Variants in TMEM192 observed in about 807,000 individuals in gnomAD.
TMEM192 encodes transmembrane protein 192.
In TMEM192, 20 loss-of-function variants were observed where a neutral mutation model predicts 26.7. The ratio of observed to expected loss-of-function variants is 0.75; its 90% confidence interval spans 0.53 to 1.09. The LOEUF is 1.09. TMEM192 is among the 50% of genes least tolerant of loss of function. The pLI, the probability that TMEM192 is intolerant of heterozygous loss-of-function variation, is 0.00. For synonymous variants in TMEM192, 124 were observed against 121.0 expected, an observed-to-expected ratio of 1.02 and a Z score of -0.16; for missense variants, 304 against 322.6, an observed-to-expected ratio of 0.94 and a Z score of 0.44.
chr4:165,102,822 G>A (rs1560934744), intron 2 of TMEM192, 128 bp downstream of exon 2: 1 of 641,616 alleles, frequency 1.6e-6, no homozygotes. Context: ...ACAGCACTCA[G>A]GATGTCCTAA....
In TMEM192 at chr4:165,075,430, A is replaced by AT. The variant is rs1734354151; in HGVS notation, c.*4227dup. 6.6e-6 allele frequency: 1 copy of AT among 151,142 alleles called. No individual in the cohort carries two copies. The highest frequency in any genetic ancestry group is 2.4e-5 in the African/African-American group (1 of 41,162). 9.4% of individuals were successfully genotyped at this position (151,142 alleles called of 1,614,324 possible). A position where few individuals can be genotyped will look rare whatever the true frequency, so the allele number is the denominator to read the frequency against. Reference sequence around the variant, plus strand: ...CAGCTAATGTTGCTAATATTTTTGTATTTTTTGTAGAGATAGGGTTTCACC... The same window carrying AT: ...CAGCTAATGTTGCTAATATTTTTGTATTTTTTTGTAGAGATAGGGTTTCACC... On this transcript the variant is annotated 3_prime_UTR_variant, in exon 6 of 6. Coordinates refer to ENST00000306480, the MANE Select transcript of TMEM192 (RefSeq NM_001100389.2).
At chr4:165,094,928 C>G (rs1173016160) in intron 3 of TMEM192, among the ~76,000 whole-genome samples, 1 of 151,460 alleles carries the variant, frequency 6.6e-6, no homozygotes, top group Non-Finnish European at 1.5e-5. Flanking sequence ...GAGCCAAGAT[C>G]GCACCACTGC....
At position 165,112,737 on chromosome 4, in the gene TMEM192, G is replaced by C; in HGVS notation, c.27+10C>G. The C allele has an allele frequency of 6.2e-7, 1 of 1,609,096 alleles. No homozygotes were observed. Among genetic ancestry groups the C allele is most frequent in the Non-Finnish European group, 8.5e-7 (1 of 1,179,228 alleles). ...CCGGGGCCAACCGCCCGCCGCCTCC[G>C]TGCACTCACGTCCTCCATCCTGCCC... On this transcript the variant is annotated intron_variant, in intron 1 of 5. Coordinates refer to ENST00000306480, the MANE Select transcript of TMEM192 (RefSeq NM_001100389.2).
At chr4:165,096,661 T>C (rs1039171178) in intron 3 of TMEM192, among the ~76,000 whole-genome samples, 17 of 151,956 alleles carry the variant, frequency 1.1e-4, no homozygotes, top group African/African-American at 3.4e-4. Flanking sequence ...GAAAAAATAT[T>C]TTAAAAAATA....
chr4:165,079,905 CT>C, intron 5 of TMEM192, 109 bp from the exon 6 acceptor site: 1 of 1,055,766 alleles, frequency 9.5e-7, no homozygotes, highest in South Asian at 2.5e-5. Context: ...TATTTGCCAC[CT>C]TTTCTTAGAT....
At chr4:165,085,023 C>T (rs143641392) in intron 5 of TMEM192, among the ~76,000 whole-genome samples, 6,369 of 151,980 alleles carry the variant, frequency 0.042, 157 homozygotes, top group Middle Eastern at 0.14. Context: ...GCCTGTGATC[C>T]CAGCACTTTG....
chr4:165,103,170 T>C, intron 1 of TMEM192, 74 bp from the exon 2 acceptor site: 1 of 1,377,824 alleles, frequency 7.3e-7, no homozygotes, highest in Non-Finnish European at 9.5e-7. Context: ...TCTACTAAAC[T>C]ACAGAGCTTT....
rs1253077587 is a variant in TMEM192, at chr4:165,073,623, T to C, written c.*6035A>G. ...AGTTGAGATAAGAGGAAGGCTTCTG[T>C]CTCCTGCTCGTCCCTGGGAATGGAA... On this transcript the variant is annotated 3_prime_UTR_variant, in exon 6 of 6. Transcript: ENST00000306480. The C allele has an allele frequency of 2.6e-5, 4 of 151,252 alleles. No individual in the cohort carries two copies. Among genetic ancestry groups the C allele is most frequent in the African/African-American group, 9.7e-5 (4 of 41,092 alleles). 9.4% of individuals were successfully genotyped at this position (151,252 alleles called of 1,614,324 possible).
rs1443037073 is a variant in TMEM192 at position 165,082,994 on chromosome 4, C to G, written c.677+2592G>C. 5.0e-5 allele frequency among the ~76,000 whole-genome samples: 2 copies of G among 39,646 alleles called. 1 individual carries two copies. The highest frequency in any genetic ancestry group is 9.1e-5 in the African/African-American group (2 of 22,068). 26.0% of individuals were successfully genotyped at this position (39,646 alleles called of 152,430 possible). On this transcript the variant is annotated intron_variant, in intron 5 of 5. Transcript: ENST00000306480. Reference sequence around the variant, plus strand: ...AGGTGATGCACCCGCCTCGGCCTCACAAAGTACTGGGATTACAGGCGTGAG... The same window carrying G: ...AGGTGATGCACCCGCCTCGGCCTCAGAAAGTACTGGGATTACAGGCGTGAG...
At chr4:165,098,953 C>T (rs566306660) in intron 3 of TMEM192, among the ~76,000 whole-genome samples, 91 of 151,832 alleles carry the variant, frequency 6.0e-4, no homozygotes, top group Non-Finnish European at 1.1e-3. Flanking sequence ...CCTTCCGCTT[C>T]GGCCTCCCAA....
Position 165,088,502 on chromosome 4 carries a change from G to A in TMEM192, c.540C>T (p.Leu180=). 11 of 1,613,752 alleles carry A rather than the reference G, an allele frequency of 6.8e-6. No homozygotes were observed. The highest frequency in any genetic ancestry group is 9.3e-6 in the Non-Finnish European group (11 of 1,179,832). ...DLILAILALE[L]ICSLICLLIY... ...TGAGGAGACATATCAGGGAACAGAT[G>A]AGTTCCAGTGCCAAGATGGCCAGAA... Residue 180 remains leucine (L), a synonymous_variant, in exon 4 of 6, where the codon CTC becomes CTT. Transcript: ENST00000306480.
rs1410489891 is a variant in TMEM192 at position 165,082,095 on chromosome 4, G to A, written c.678-2299C>T. On this transcript the variant is annotated intron_variant, in intron 5 of 5. Transcript: ENST00000306480. ...CGCGATTCTCCTGCCTCACCCTCCC[G>A]AGTAGCTGGGACTACAGGCGTGCAC... 5.7e-5 allele frequency among the ~76,000 whole-genome samples: 2 copies of A among 35,250 alleles called. 1 individual carries two copies. Among genetic ancestry groups the A allele is most frequent in the Non-Finnish European group, 2.1e-4 (2 of 9,752 alleles). The allele number at this position is 35,250 out of a possible 152,430, so 23.1% of individuals were successfully genotyped here. A position where few individuals can be genotyped will look rare whatever the true frequency, so the allele number is the denominator to read the frequency against.
intron 1 of TMEM192, among the ~76,000 whole-genome samples, chr4:165,111,972 T>C (rs1037935364): frequency 2.0e-5 from 3 of 152,218 alleles, no homozygotes; most frequent in African/African-American, 7.2e-5. Context: ...CATACATACA[T>C]GTTTCTCCTA....
intron 4 of TMEM192, among the ~76,000 whole-genome samples, chr4:165,086,036 C>T (rs1734607729): frequency 6.6e-6 from 1 of 152,162 alleles, no homozygotes; most frequent in African/African-American, 2.4e-5. Context: ...ATTCAGAAAT[C>T]ATGACTTCCT....
intron 3 of TMEM192, among the ~76,000 whole-genome samples, chr4:165,093,094 CTTCT>C (rs1177536681): frequency 1.3e-5 from 1 of 74,118 alleles, no homozygotes; most frequent in African/African-American, 3.9e-5. Flanking sequence ...GTTTTTTTTT[CTTCT>C]TTTTTTTTTT....
intron 3 of TMEM192, among the ~76,000 whole-genome samples, chr4:165,098,073 A>C (rs1012357445): frequency 6.6e-6 from 1 of 150,474 alleles, no homozygotes; most frequent in Admixed American, 6.6e-5. Context: ...CTCCCGCCTC[A>C]GCCTACCAAA....
chr4:165,105,898 T>A (rs191773293), intron 1 of TMEM192, among the ~76,000 whole-genome samples: 260 of 152,304 alleles, frequency 1.7e-3, no homozygotes, highest in Non-Finnish European at 3.0e-3. Context: ...GCCATGAGGG[T>A]TCCCCCCCTC....
chr4:165,085,530 G>A, intron 5 of TMEM192, 56 bp downstream of exon 5: 1 of 1,154,964 alleles, frequency 8.7e-7, no homozygotes, highest in Non-Finnish European at 1.3e-6. Flanking sequence ...CATCAGAATG[G>A]TTTCTAGCTT....
At chr4:165,084,785 C>A (rs1478101303) in intron 5 of TMEM192, among the ~76,000 whole-genome samples, 1 of 151,364 alleles carries the variant, frequency 6.6e-6, no homozygotes, top group East Asian at 2.0e-4. Flanking sequence ...TAGTTTTTTA[C>A]ATCTACTTTA....
Sources: gnomAD v4.1 joint callset for allele counts (sites outside exome capture counted in the v4.1 genomes callset) on GRCh38, gnomAD v4.1.1 for gene constraint, MANE v1.5 for transcripts, NCBI Gene and HGNC (gene_info 2026-07-23, HGNC 2026-07-21) for gene names.